The following MYO6 variants were observed in gnomAD, a reference collection of about 807,000 sequenced individuals.
MYO6 encodes the protein myosin VI, also known as unconventional myosin-VI.
Under a neutral mutation model 178.7 loss-of-function variants are expected in MYO6, and 74 were observed. The observed-to-expected ratio is 0.41, with a 90% CI of 0.34 to 0.50. The LOEUF (loss-of-function observed/expected upper bound fraction) is 0.50, where lower values mean the gene tolerates loss of function less well. Ranked by LOEUF, MYO6 falls within the 20% of genes least tolerant of loss-of-function variation. MYO6 has a pLI of 0.09. For missense variants in MYO6, 1,330 were observed against 1,547.4 expected, an observed-to-expected ratio of 0.86 and a Z score of 2.36; for synonymous variants, 477 against 504.6, an observed-to-expected ratio of 0.95 and a Z score of 0.73.
At chr6:75,763,650 T>G (rs573579200) in intron 1 of MYO6, among the ~76,000 whole-genome samples, 3 of 152,324 alleles carry the variant, frequency 2.0e-5, no homozygotes, top group East Asian at 3.9e-4. Flanking sequence ...ACAGTAAGAA[T>G]AATATTCTTT....
chr6:75,759,507 C>A (rs1027083362), intron 1 of MYO6, among the ~76,000 whole-genome samples: 1 of 151,652 alleles, frequency 6.6e-6, no homozygotes, highest in African/African-American at 2.4e-5. Context: ...TCCCTGATCT[C>A]TCTTCCCTCT....
In MYO6 at chr6:75,914,788, A is replaced by G. The variant is rs1298265470; in HGVS notation, c.3659-25A>G. ...AATGGTCCTGAAGAGAGAGATGGTA[A>G]TTTTCTGATATCTCATGAATACAGG... On this transcript the variant is annotated intron_variant, in intron 34 of 34. Transcript: ENST00000369977. The G allele has an allele frequency of 3.1e-6, 5 of 1,610,192 alleles. No homozygotes were observed. In the Admixed American group the frequency reaches 8.3e-5, roughly 27 times the overall value.
At chr6:75,760,091 C>A (rs1777818335) in intron 1 of MYO6, among the ~76,000 whole-genome samples, 1 of 152,110 alleles carries the variant, frequency 6.6e-6, no homozygotes, top group Non-Finnish European at 1.5e-5. Context: ...AGCACTAGAA[C>A]ATAGTGTTGA....
In MYO6 at chr6:75,861,093, T is replaced by C. The variant is rs1776172285; in HGVS notation, c.1544T>C (p.Ile515Thr). Reference sequence around the variant, plus strand: ...CATTATGTGGATAATCAGGACTGTATAGGTATGTGTTTTTTAACTCCACCT... The same window carrying C: ...CATTATGTGGATAATCAGGACTGTACAGGTATGTGTTTTTTAACTCCACCT... ...EVHYVDNQDCIDLIEAKLVGI... is the reference protein window; with the variant it reads ...EVHYVDNQDCTDLIEAKLVGI... The change falls in exon 15 of 35, where the codon ATA becomes ACA. Residue 515 changes from isoleucine (I) to threonine (T), a missense_variant and splice_region_variant. Transcript: ENST00000369977. The C allele has an allele frequency of 3.7e-6, 6 of 1,605,862 alleles. No individual in the cohort carries two copies. The highest frequency in any genetic ancestry group is 1.3e-5 in the African/African-American group (1 of 74,774).
intron 1 of MYO6, among the ~76,000 whole-genome samples, chr6:75,777,479 G>C (rs1766506940): frequency 1.3e-5 from 2 of 151,332 alleles, no homozygotes; most frequent in African/African-American, 4.9e-5. Flanking sequence ...CTGGGCTACA[G>C]TGCAGTGGCG....
chr6:75,893,492 T>TATA (rs1779063784), intron 28 of MYO6, among the ~76,000 whole-genome samples: 2 of 151,982 alleles, frequency 1.3e-5, no homozygotes, highest in African/African-American at 4.8e-5. Flanking sequence ...TATGACAAAA[T>TATA]ATAGAGTACA....
chr6:75,888,494 A>T (rs539131741), intron 25 of MYO6, among the ~76,000 whole-genome samples: 7 of 151,830 alleles, frequency 4.6e-5, no homozygotes, highest in Admixed American at 3.9e-4. Context: ...TATGAGCCTG[A>T]GGTCCCAAGG....
In MYO6 at chr6:75,785,454, T is replaced by C. The variant is rs1562154126; in HGVS notation, c.-47-32047T>C. Among the ~76,000 whole-genome samples the C allele has an allele frequency of 2.0e-5, 3 of 148,410 alleles. No individual in the cohort carries two copies. The South Asian group carries it at 6.3e-4, about 31-fold the overall frequency. On this transcript the variant is annotated intron_variant, in intron 1 of 34. Coordinates refer to ENST00000369977, the MANE Select transcript of MYO6 (RefSeq NM_004999.4). ...GATCCTAGTTTTTTGTTTTGTTTTGTTTTTTGGTCTTTTCTTTTCTTTTTT... is the reference window on the plus strand; with the variant it reads ...GATCCTAGTTTTTTGTTTTGTTTTGCTTTTTGGTCTTTTCTTTTCTTTTTT...
intron 1 of MYO6, among the ~76,000 whole-genome samples, chr6:75,758,189 C>A (rs1192698296): frequency 6.6e-6 from 1 of 151,486 alleles, no homozygotes. Context: ...TGTTGGCAAG[C>A]TTCCCTTTTG....
intron 31 of MYO6, 80 bp downstream of exon 31, chr6:75,907,788 G>A (rs1273139604): frequency 3.4e-6 from 3 of 890,648 alleles, no homozygotes; most frequent in Admixed American, 3.7e-5. Flanking sequence ...TGAGGTGTGT[G>A]TGTGTATGTG....
At chr6:75,760,581 A>C (rs1047832515) in intron 1 of MYO6, among the ~76,000 whole-genome samples, 1 of 152,150 alleles carries the variant, frequency 6.6e-6, no homozygotes, top group African/African-American at 2.4e-5. Flanking sequence ...CATACAAATA[A>C]AGTATACCTC....
At position 75,892,691 on chromosome 6, in the gene MYO6, G is replaced by A; in HGVS notation, c.3107+1G>A. The A allele has an allele frequency of 6.2e-7, 1 of 1,612,186 alleles. No homozygotes were observed. The highest frequency in any genetic ancestry group is 2.2e-4 in the Middle Eastern group (1 of 4,514). The stretch of plus-strand genomic sequence containing the variant: ...CCCAGGCCGACCTGGCGCTGCGGAG[G>A]TACTGGGGCCCCTGGGTGGGGTATA... On this transcript the variant is annotated splice_donor_variant, in intron 28 of 34. Transcript: ENST00000369977. LOFTEE classifies it high-confidence loss of function.
chr6:75,905,370 C>T (rs1349399273), intron 30 of MYO6, among the ~76,000 whole-genome samples: 2 of 152,234 alleles, frequency 1.3e-5, no homozygotes, highest in Non-Finnish European at 2.9e-5. Flanking sequence ...TAGCAAGAGA[C>T]TCCGTGGGCG....
At position 75,835,884 on chromosome 6, in the gene MYO6, T is replaced by A; in HGVS notation, c.498-17T>A. The A allele has an allele frequency of 1.3e-6, 2 of 1,483,430 alleles. No homozygotes were observed. Among genetic ancestry groups the A allele is most frequent in the Admixed American group, 1.7e-5 (1 of 59,814 alleles). 91.9% of individuals were successfully genotyped at this position (1,483,430 alleles called of 1,614,324 possible). On this transcript the variant is annotated splice_polypyrimidine_tract_variant and intron_variant, in intron 6 of 34. Coordinates refer to ENST00000369977, the MANE Select transcript of MYO6 (RefSeq NM_004999.4). The stretch of plus-strand genomic sequence containing the variant: ...ATATTATTGTCATCAACATTTTTTA[T>A]CCTATATTTTAAACAGATACCTGAC...
At chr6:75,820,084 A>G (rs1562204948) in intron 2 of MYO6, among the ~76,000 whole-genome samples, 1 of 152,146 alleles carries the variant, frequency 6.6e-6, no homozygotes, top group Non-Finnish European at 1.5e-5. Flanking sequence ...AATTGGTTTC[A>G]TATTCTGTAT....
intron 1 of MYO6, among the ~76,000 whole-genome samples, chr6:75,767,520 CTTTTT>C (rs1002645261): frequency 7.6e-6 from 1 of 131,208 alleles, no homozygotes; most frequent in East Asian, 2.2e-4. Context: ...TTACAAATTC[CTTTTT>C]TTTTTTTTTT....
rs572853987 is a variant in MYO6 at position 75,899,438 on chromosome 6, A to AT, written c.3176+1035dup. Among the ~76,000 whole-genome samples, 154 of 152,074 alleles carry AT rather than the reference A, an allele frequency of 1.0e-3. 1 individual carries two copies. Among genetic ancestry groups the AT allele is most frequent in the Middle Eastern group, 3.4e-3 (1 of 294 alleles). On this transcript the variant is annotated intron_variant, in intron 30 of 34. Transcript: ENST00000369977. Reference sequence around the variant, plus strand: ...CCCAGAACAGCTTAAAAATAAAAGGATTTTTTTTGTTTATTGATTGGTAGT... The same window carrying AT: ...CCCAGAACAGCTTAAAAATAAAAGGATTTTTTTTTGTTTATTGATTGGTAGT...
intron 33 of MYO6, 76 bp from the exon 34 acceptor site, chr6:75,913,987 G>A: frequency 1.0e-5 from 13 of 1,278,596 alleles, no homozygotes; most frequent in Non-Finnish European, 1.4e-5. Flanking sequence ...AAAATTATTG[G>A]GGTATATTTT....
chr6:75,911,584 G>A (rs1417734572), intron 32 of MYO6, 88 bp from the exon 33 acceptor site: 14 of 1,162,782 alleles, frequency 1.2e-5, no homozygotes, highest in Admixed American at 7.1e-5. Context: ...TCACCACCTC[G>A]ATTGGAAGGC....
Sources: allele counts gnomAD v4.1 joint callset (sites outside exome capture counted in the v4.1 genomes callset), GRCh38; gene constraint gnomAD v4.1.1; transcripts MANE v1.5; gene names NCBI Gene and HGNC (gene_info 2026-07-23, HGNC 2026-07-21).